The following ACOT13 variants were observed in gnomAD, a reference collection of about 807,000 sequenced individuals.
The protein encoded by ACOT13 is acyl-coenzyme A thioesterase 13.
In ACOT13, 10 loss-of-function variants were observed where a neutral mutation model predicts 11.8. The observed-to-expected ratio is 0.85, with a 90% CI of 0.53 to 1.44. The LOEUF (loss-of-function observed/expected upper bound fraction) is 1.44. Among genes scored for constraint, ACOT13 ranks in the 40% most tolerant of loss-of-function variants. The pLI, the probability that ACOT13 is intolerant of heterozygous loss-of-function variation, is 0.00. For synonymous variants in ACOT13, 53 were observed against 61.0 expected (o/e 0.87, Z 0.61); for missense variants, 172 against 174.1 (o/e 0.99, Z 0.07).
intron 1 of ACOT13, among the ~76,000 whole-genome samples, chr6:24,674,402 G>A (rs148291781): frequency 2.0e-5 from 3 of 150,946 alleles, no homozygotes; most frequent in Non-Finnish European, 4.4e-5. Context: ...TTTTTGGGGG[G>A]TTTTGTTTGT....
At chr6:24,687,703 GA>G in intron 1 of ACOT13, 3 of 1,123,224 alleles carry the variant, frequency 2.7e-6, no homozygotes, top group East Asian at 2.9e-5. Context: ...GGTAAGAATA[GA>G]ATTTTTTTTT....
intron 1 of ACOT13, among the ~76,000 whole-genome samples, chr6:24,671,910 A>C (rs1392029774): frequency 6.6e-6 from 1 of 152,240 alleles, no homozygotes; most frequent in Non-Finnish European, 1.5e-5. Context: ...TGGAACACAT[A>C]CCAATAACAT....
chr6:24,682,809 A>C (rs1011873317), intron 1 of ACOT13, among the ~76,000 whole-genome samples: 1 of 152,224 alleles, frequency 6.6e-6, no homozygotes, highest in African/African-American at 2.4e-5. Context: ...AAATAGAGTG[A>C]AAACAGAGCT....
At chr6:24,692,424 G>T (rs1405831514) in intron 1 of ACOT13, among the ~76,000 whole-genome samples, 2 of 152,186 alleles carry the variant, frequency 1.3e-5, no homozygotes, top group Admixed American at 6.5e-5. Context: ...AATTAAAGTG[G>T]TGTTGTTTTG....
rs1171588293 is a variant in ACOT13 at position 24,703,149 on chromosome 6, TAC to T, written c.*1536_*1537del. 1 of 152,308 alleles carries T rather than the reference TAC, an allele frequency of 6.6e-6. No individual in the cohort carries two copies. Among genetic ancestry groups the T allele is most frequent in the African/African-American group, 2.4e-5 (1 of 41,462 alleles). The allele number at this position is 152,308 out of a possible 1,614,324, so 9.4% of individuals were successfully genotyped here. A position where few individuals can be genotyped will look rare whatever the true frequency, so the allele number is the denominator to read the frequency against. On this transcript the variant is annotated 3_prime_UTR_variant, in exon 3 of 3. Transcript: ENST00000230048. ...GCCTTGGCCCCCCAAGTACTGGACT[TAC>T]AGGTGTGAACCACTGCACCCAGCTG...
chr6:24,702,089 T>C lies in ACOT13; in HGVS notation c.*474T>C, dbSNP rs952628554. ...TCATAGATGGTGCCTTCTCACTGTG[T>C]GGTGGAAGGGGCAAGTGAGCCCTCT... On this transcript the variant is annotated 3_prime_UTR_variant, in exon 3 of 3. Coordinates refer to ENST00000230048, the MANE Select transcript of ACOT13 (RefSeq NM_018473.4). 6.5e-6 allele frequency: 1 copy of C among 152,804 alleles called. No homozygotes were observed. The highest frequency in any genetic ancestry group is 2.4e-5 in the African/African-American group (1 of 41,444). The allele number at this position is 152,804 out of a possible 1,614,324, so 9.5% of individuals were successfully genotyped here. A position where few individuals can be genotyped will look rare whatever the true frequency, so the allele number is the denominator to read the frequency against.
At chr6:24,672,348 A>G (rs1309848769) in intron 1 of ACOT13, among the ~76,000 whole-genome samples, 1 of 152,224 alleles carries the variant, frequency 6.6e-6, no homozygotes, top group Admixed American at 6.5e-5. Flanking sequence ...TGACCATAAG[A>G]TATAATTTCT....
chr6:24,667,349 G>C lies in ACOT13; in HGVS notation c.81+5G>C, dbSNP rs1340743739. 3 of 1,613,754 alleles carry C rather than the reference G, an allele frequency of 1.9e-6. No individual in the cohort carries two copies. The Admixed American group carries it at 5.0e-5, about 27-fold the overall frequency. On this transcript the variant is annotated splice_donor_5th_base_variant and intron_variant, in intron 1 of 2. Coordinates refer to ENST00000230048, the MANE Select transcript of ACOT13 (RefSeq NM_018473.4). ...TTTGAGAGAGTTTTGGGAAAGGTAT[G>C]GGAAAGGTAGGGGAGAAGCCGTGGC...
intron 2 of ACOT13, among the ~76,000 whole-genome samples, chr6:24,699,298 C>T (rs898570109): frequency 4.0e-5 from 6 of 151,560 alleles, no homozygotes; most frequent in Non-Finnish European, 5.9e-5. Context: ...CAAGCTCCGC[C>T]TCCCGGGTTC....
intron 1 of ACOT13, chr6:24,687,299 T>G: frequency 6.1e-6 from 2 of 330,406 alleles, no homozygotes; most frequent in Non-Finnish European, 4.5e-6. Flanking sequence ...AGTGGATATG[T>G]TGTATCCCTT....
At chr6:24,688,255 A>G (rs565288325) in intron 1 of ACOT13, among the ~76,000 whole-genome samples, 3 of 152,068 alleles carry the variant, frequency 2.0e-5, no homozygotes, top group African/African-American at 7.2e-5. Flanking sequence ...AAAGTGGGAA[A>G]TAGCTGGGCA....
intron 1 of ACOT13, among the ~76,000 whole-genome samples, chr6:24,676,927 G>C (rs1778464152): frequency 6.6e-6 from 1 of 152,170 alleles, no homozygotes; most frequent in Non-Finnish European, 1.5e-5. Flanking sequence ...TTGCTGCATG[G>C]GCATGGAGGA....
At chr6:24,673,011 G>T (rs1449673702) in intron 1 of ACOT13, among the ~76,000 whole-genome samples, 2 of 152,146 alleles carry the variant, frequency 1.3e-5, no homozygotes, top group African/African-American at 2.4e-5. Context: ...GTAGGACTTG[G>T]TGTCCTTTTT....
At chr6:24,670,526 A>T (rs150478403) in intron 1 of ACOT13, among the ~76,000 whole-genome samples, 141 of 152,342 alleles carry the variant, frequency 9.3e-4, no homozygotes, top group African/African-American at 9.9e-4. Flanking sequence ...AGGAAAGTAC[A>T]CCTTTCCACT....
Position 24,667,164 on chromosome 6 carries a change from T to A in ACOT13, c.-100T>A. On this transcript the variant is annotated 5_prime_UTR_variant, in exon 1 of 3. Coordinates refer to ENST00000230048, the MANE Select transcript of ACOT13 (RefSeq NM_018473.4). Reference sequence around the variant, plus strand: ...TAGGGGCGGAGAAGGGTGCGGGCTCTTCGCCCTTTGTGTCCTCCTTCTTTC... The same window carrying A: ...TAGGGGCGGAGAAGGGTGCGGGCTCATCGCCCTTTGTGTCCTCCTTCTTTC... 7.9e-7 allele frequency: 1 copy of A among 1,273,170 alleles called. No individual in the cohort carries two copies. The highest frequency in any genetic ancestry group is 1.1e-6 in the Non-Finnish European group (1 of 897,270). The allele number at this position is 1,273,170 out of a possible 1,614,324, so 78.9% of individuals were successfully genotyped here.
At chr6:24,677,212 T>C (rs1778468322) in intron 1 of ACOT13, among the ~76,000 whole-genome samples, 1 of 152,326 alleles carries the variant, frequency 6.6e-6, no homozygotes, top group South Asian at 2.1e-4. Flanking sequence ...GTTTGAGCAA[T>C]CACATGTTGG....
chr6:24,693,296 A>G (rs914890038), intron 1 of ACOT13, among the ~76,000 whole-genome samples: 2 of 152,132 alleles, frequency 1.3e-5, no homozygotes, highest in Non-Finnish European at 2.9e-5. Flanking sequence ...TTCTCATACC[A>G]TATGTCACAC....
At chr6:24,690,023 A>T (rs528055812) in intron 1 of ACOT13, among the ~76,000 whole-genome samples, 6 of 152,334 alleles carry the variant, frequency 3.9e-5, no homozygotes, top group African/African-American at 1.4e-4. Context: ...TGCTGAATTA[A>T]AAACAGCACT....
At chr6:24,671,978 C>T (rs1245394071) in intron 1 of ACOT13, among the ~76,000 whole-genome samples, 1 of 152,164 alleles carries the variant, frequency 6.6e-6, no homozygotes, top group Non-Finnish European at 1.5e-5. Flanking sequence ...GACAATGCTT[C>T]CTGTGTAATT....
Sources: gnomAD v4.1 joint callset for allele counts (sites outside exome capture counted in the v4.1 genomes callset) on GRCh38, gnomAD v4.1.1 for gene constraint, MANE v1.5 for transcripts, NCBI Gene and HGNC (gene_info 2026-07-23, HGNC 2026-07-21) for gene names.